Variants in AFAP1L2 observed in about 807,000 individuals in gnomAD.
AFAP1L2 encodes actin filament associated protein 1 like 2.
AFAP1L2 carries 46 observed loss-of-function variants against 99.3 expected under a neutral mutation model. The ratio of observed to expected loss-of-function variants is 0.46; its 90% CI spans 0.37 to 0.59. The LOEUF is 0.59. Ranked by LOEUF, AFAP1L2 falls within the 20% of genes least tolerant of loss-of-function variation. The pLI is 0.00. For missense variants in AFAP1L2, 959 were observed against 1,034.9 expected, an observed-to-expected ratio of 0.93 and a Z score of 1.01; for synonymous variants, 397 against 419.1, an observed-to-expected ratio of 0.95 and a Z score of 0.64.
At chr10:114,374,952 A>G (rs957634774) in intron 1 of AFAP1L2, among the ~76,000 whole-genome samples, 3 of 152,058 alleles carry the variant, frequency 2.0e-5, no homozygotes, top group Non-Finnish European at 2.9e-5. Flanking sequence ...CATAACCTGC[A>G]TATTCTTCCA....
At chr10:114,341,173 C>A (rs1292877892) in intron 1 of AFAP1L2, among the ~76,000 whole-genome samples, 1 of 152,214 alleles carries the variant, frequency 6.6e-6, no homozygotes, top group East Asian at 1.9e-4. Context: ...CTCCGGGTGG[C>A]TTTGGGCCCA....
At chr10:114,298,614 G>A (rs896614557) in intron 16 of AFAP1L2, among the ~76,000 whole-genome samples, 1 of 152,058 alleles carries the variant, frequency 6.6e-6, no homozygotes, top group African/African-American at 2.4e-5. Context: ...ACTTTGGGAG[G>A]CCAAGGCAGG....
At chr10:114,296,379 G>A (rs1004946757) in intron 18 of AFAP1L2, 4 of 398,710 alleles carry the variant, frequency 1.0e-5, no homozygotes, top group African/African-American at 8.1e-5. Context: ...CAGCAGGTAA[G>A]GAGGATAGGA....
chr10:114,323,143 C>T (rs1489289907), intron 5 of AFAP1L2, 28 bp downstream of exon 5: 1 of 1,560,118 alleles, frequency 6.4e-7, no homozygotes, highest in Non-Finnish European at 8.7e-7. Flanking sequence ...GTAAGTCACC[C>T]TCCCAAGCCC....
intron 5 of AFAP1L2, among the ~76,000 whole-genome samples, chr10:114,318,017 T>C (rs1286917025): frequency 6.6e-6 from 1 of 152,164 alleles, no homozygotes; most frequent in Non-Finnish European, 1.5e-5. Flanking sequence ...TGAAAACTAG[T>C]GTGCAGCTGG....
At chr10:114,331,954 C>G (rs143291354) in intron 3 of AFAP1L2, 57 bp from the exon 4 acceptor site, 2 of 1,162,206 alleles carry the variant, frequency 1.7e-6, no homozygotes, top group Non-Finnish European at 2.2e-6. Flanking sequence ...TACACAGGGT[C>G]TCCTTCCTCA....
At chr10:114,361,499 G>A (rs55683382) in intron 1 of AFAP1L2, among the ~76,000 whole-genome samples, 19,210 of 152,128 alleles carry the variant, frequency 0.13, 1,464 homozygotes, top group East Asian at 0.25. Flanking sequence ...CCTGTAAAAC[G>A]TTAAACCGAA....
intron 1 of AFAP1L2, among the ~76,000 whole-genome samples, chr10:114,404,183 C>A (rs2058503953): frequency 6.6e-6 from 1 of 152,138 alleles, no homozygotes; most frequent in Non-Finnish European, 1.5e-5. Context: ...TGAGAAGCCC[C>A]GCCACGCCCC....
At chr10:114,309,663 G>A (rs1397522734) in intron 8 of AFAP1L2, among the ~76,000 whole-genome samples, 1 of 152,154 alleles carries the variant, frequency 6.6e-6, no homozygotes, top group Non-Finnish European at 1.5e-5. Context: ...ACAGCCCTTT[G>A]GTTGCAATCA....
the AFAP1L2 span, among the ~76,000 whole-genome samples, chr10:114,285,715 A>G: frequency 6.6e-6 from 1 of 152,214 alleles, no homozygotes; most frequent in African/African-American, 2.4e-5. Context: ...TGTAGATGGC[A>G]TTTTTCTTTA....
intron 1 of AFAP1L2, among the ~76,000 whole-genome samples, chr10:114,361,582 C>T (rs1018979415): frequency 6.6e-6 from 1 of 152,176 alleles, no homozygotes; most frequent in Admixed American, 6.5e-5. Flanking sequence ...GAGGCTAGGA[C>T]ACCTCTGGTG....
chr10:114,286,066 C>T, the AFAP1L2 span: 190 of 1,614,006 alleles, frequency 1.2e-4, no homozygotes, highest in Non-Finnish European at 1.5e-4. Context: ...CCGTGCTGAG[C>T]GAGGACTCTC....
At chr10:114,404,743 G>A (rs61434043), upstream of AFAP1L2, 142,285 of 328,732 alleles carry the variant, frequency 0.43, 31,517 homozygotes, top group Admixed American at 0.51. Context: ...CGCCGCCCCC[G>A]GCCGCCTTGG....
At chr10:114,312,956 G>A (rs1010438770) in intron 7 of AFAP1L2, among the ~76,000 whole-genome samples, 53 of 152,308 alleles carry the variant, frequency 3.5e-4, no homozygotes, top group African/African-American at 1.1e-3. Flanking sequence ...GGGTGGACCA[G>A]TGCCTCAGGC....
intron 5 of AFAP1L2, among the ~76,000 whole-genome samples, 200 bp from the exon 6 acceptor site, chr10:114,315,965 T>G (rs1261989984): frequency 6.6e-6 from 1 of 152,226 alleles, no homozygotes; most frequent in African/African-American, 2.4e-5. Flanking sequence ...GCAAGGCTTC[T>G]TGGATGCTGC....
At chr10:114,281,373 G>A in the AFAP1L2 span, 1 of 152,336 alleles carries the variant, frequency 6.6e-6, no homozygotes, top group Non-Finnish European at 1.5e-5. Context: ...AGGGTAGAGT[G>A]GGGGGATTTG....
At chr10:114,328,348 C>T (rs928392627) in intron 4 of AFAP1L2, among the ~76,000 whole-genome samples, 20 of 152,232 alleles carry the variant, frequency 1.3e-4, no homozygotes, top group South Asian at 2.1e-4. Flanking sequence ...TGGATGTCCA[C>T]GTGCTGCTGC....
At chr10:114,301,787 AC>A (rs2041243708) in intron 12 of AFAP1L2, 2 of 386,648 alleles carry the variant, frequency 5.2e-6, no homozygotes, top group Non-Finnish European at 9.6e-6. Context: ...ACAACAAAAA[AC>A]CCCTTCTCAT....
At chr10:114,385,912 T>C (rs918123866) in intron 1 of AFAP1L2, among the ~76,000 whole-genome samples, 2 of 152,092 alleles carry the variant, frequency 1.3e-5, no homozygotes, top group African/African-American at 4.8e-5. Flanking sequence ...GCGAGTTGAA[T>C]AGTTCAGGTT....
Sources: gnomAD v4.1 joint callset for allele counts (sites outside exome capture counted in the v4.1 genomes callset) on GRCh38, gnomAD v4.1.1 for gene constraint, MANE v1.5 for transcripts, NCBI Gene and HGNC (gene_info 2026-07-23, HGNC 2026-07-21) for gene names.